Variants in STRBP observed in about 807,000 individuals in gnomAD.
The protein encoded by STRBP is spermatid perinuclear RNA-binding protein.
A neutral mutation model predicts 80.1 loss-of-function variants in STRBP; 13 were observed. The ratio of observed to expected loss-of-function variants is 0.16; its 90% CI spans 0.11 to 0.26. The LOEUF (loss-of-function observed/expected upper bound fraction) is 0.26. Ranked by LOEUF, STRBP falls within the 10% of genes least tolerant of loss-of-function variation. STRBP has a pLI of 1.00. For synonymous variants in STRBP, 284 were observed against 291.2 expected, an observed-to-expected ratio of 0.98 and a Z score of 0.25; for missense variants, 485 against 815.2, an observed-to-expected ratio of 0.59 and a Z score of 4.93.
intron 11 of STRBP, among the ~76,000 whole-genome samples, chr9:123,148,426 A>G (rs1333162555): frequency 6.6e-6 from 1 of 152,216 alleles, no homozygotes; most frequent in Admixed American, 6.5e-5. Flanking sequence ...TACCCAGTCT[A>G]AGGTATTTTG....
At chr9:123,231,182 G>C (rs1045211399) in intron 2 of STRBP, among the ~76,000 whole-genome samples, 1 of 152,154 alleles carries the variant, frequency 6.6e-6, no homozygotes, top group South Asian at 2.1e-4. Flanking sequence ...AGATTTTAAT[G>C]TACAACGAGG....
At chr9:123,119,806 C>A (rs2035701801), downstream of STRBP, among the ~76,000 whole-genome samples, 1 of 152,130 alleles carries the variant, frequency 6.6e-6, no homozygotes, top group Non-Finnish European at 1.5e-5. Context: ...ATTCCTGAGC[C>A]CCATGGGAAT....
rs140564751 is a variant in STRBP at position 123,178,371 on chromosome 9, G to C, written c.224+636C>G. On this transcript the variant is annotated intron_variant, in intron 4 of 18. Coordinates refer to ENST00000348403, the MANE Select transcript of STRBP (RefSeq NM_018387.5). ...AAACAGTAACTTTAAGCTTAGCCTG[G>C]CATAAAAAGATTAATGACCTAACTC... Among the ~76,000 whole-genome samples, 65 of 152,180 alleles carry C rather than the reference G, an allele frequency of 4.3e-4. No homozygotes were observed. The East Asian group carries it at 9.6e-3, about 23-fold the overall frequency.
intron 11 of STRBP, among the ~76,000 whole-genome samples, chr9:123,157,066 A>G (rs1245878004): frequency 1.3e-5 from 2 of 152,168 alleles, no homozygotes; most frequent in African/African-American, 4.8e-5. Context: ...CTAGTGAGAG[A>G]GATGAGCTAA....
At chr9:123,247,471 GT>G (rs2040822755) in intron 1 of STRBP, among the ~76,000 whole-genome samples, 1 of 152,090 alleles carries the variant, frequency 6.6e-6, no homozygotes, top group Admixed American at 6.5e-5. Context: ...GTTTTATCAT[GT>G]TGGCCAGGCT....
intron 1 of STRBP, among the ~76,000 whole-genome samples, chr9:123,266,939 A>G (rs2041280018): frequency 6.7e-6 from 1 of 150,128 alleles, no homozygotes; most frequent in Non-Finnish European, 1.5e-5. Flanking sequence ...CACCTACTGT[A>G]CTCCAGACCT....
At chr9:123,153,064 A>G (rs1033718012) in intron 11 of STRBP, among the ~76,000 whole-genome samples, 1 of 152,150 alleles carries the variant, frequency 6.6e-6, no homozygotes, top group Non-Finnish European at 1.5e-5. Flanking sequence ...TTCTTTGTGG[A>G]GAACAGATAG....
intron 2 of STRBP, among the ~76,000 whole-genome samples, chr9:123,233,986 G>A (rs1451352948): frequency 6.6e-6 from 1 of 152,012 alleles, no homozygotes; most frequent in African/African-American, 2.4e-5. Flanking sequence ...AGATCACGAG[G>A]TCAGGAGATT....
At chr9:123,210,260 T>G (rs2039661546) in intron 2 of STRBP, among the ~76,000 whole-genome samples, 1 of 151,622 alleles carries the variant, frequency 6.6e-6, no homozygotes. Context: ...AGTATAACCA[T>G]AAAATAAATC....
chr9:123,222,365 C>T (rs2040094599), intron 2 of STRBP, among the ~76,000 whole-genome samples: 1 of 152,056 alleles, frequency 6.6e-6, no homozygotes, highest in African/African-American at 2.4e-5. Context: ...GGTCCCACAC[C>T]TGGAATCAGC....
chr9:123,123,705 A>T lies in STRBP; in HGVS notation c.*1892T>A. 1 of 985,432 alleles carries T rather than the reference A, an allele frequency of 1.0e-6. No individual in the cohort carries two copies. Among genetic ancestry groups the T allele is most frequent in the Non-Finnish European group, 1.2e-6 (1 of 829,930 alleles). 61.0% of individuals were successfully genotyped at this position (985,432 alleles called of 1,614,324 possible). The stretch of plus-strand genomic sequence containing the variant: ...TCTAGAGATTCCAACGTGGAATCCA[A>T]ATTTGATGACCAATTTCAAATAACA... On this transcript the variant is annotated 3_prime_UTR_variant, in exon 19 of 19. Transcript: ENST00000348403.
At chr9:123,208,106 AAGACTGT>A (rs1267720278) in intron 2 of STRBP, among the ~76,000 whole-genome samples, 1 of 151,912 alleles carries the variant, frequency 6.6e-6, no homozygotes, top group Non-Finnish European at 1.5e-5. Context: ...TCCATCAAAG[AAGACTGT>A]AAGTTTTTTT....
chr9:123,139,145 T>C (rs2036484276), intron 14 of STRBP, among the ~76,000 whole-genome samples: 3 of 152,212 alleles, frequency 2.0e-5, no homozygotes, highest in Non-Finnish European at 2.9e-5. Flanking sequence ...ATAATCCCAA[T>C]TTCCTCCTCT....
At chr9:123,198,124 A>G (rs554436549) in intron 2 of STRBP, among the ~76,000 whole-genome samples, 6 of 151,868 alleles carry the variant, frequency 4.0e-5, no homozygotes, top group Non-Finnish European at 8.8e-5. Context: ...ATGTCTATTC[A>G]TGTCTTTTGC....
At chr9:123,174,535 A>C (rs2038137415) in intron 4 of STRBP, among the ~76,000 whole-genome samples, 1 of 152,246 alleles carries the variant, frequency 6.6e-6, no homozygotes, top group Non-Finnish European at 1.5e-5. Context: ...ATCAGCACAG[A>C]AATCTAAAAG....
chr9:123,208,754 T>G (rs2039609479), intron 2 of STRBP, among the ~76,000 whole-genome samples: 1 of 152,204 alleles, frequency 6.6e-6, no homozygotes, highest in African/African-American at 2.4e-5. Context: ...ACTTCTAGTA[T>G]TTGTTCCACT....
chr9:123,199,051 T>A (rs1027506634), intron 2 of STRBP, among the ~76,000 whole-genome samples: 3 of 152,156 alleles, frequency 2.0e-5, no homozygotes, highest in African/African-American at 7.2e-5. Flanking sequence ...TTCAAGCGAT[T>A]CTCTTGCCTC....
In STRBP at chr9:123,136,582, T is replaced by C; in HGVS notation, c.1498-67A>G. On this transcript the variant is annotated intron_variant, in intron 14 of 18. Coordinates refer to ENST00000348403, the MANE Select transcript of STRBP (RefSeq NM_018387.5). This position sits in a 1 kb window ranked among gnomAD's most constrained non-coding sequence, Gnocchi z 4.2. ...TTTAGAATATTACATTTCTTATTAA[T>C]ACAATTATGCTAAGAAGGAGGCTCA... is the stretch of plus-strand genomic sequence containing the variant. 1 of 1,559,058 alleles carries C rather than the reference T, an allele frequency of 6.4e-7. No homozygotes were observed. The highest frequency in any genetic ancestry group is 8.7e-7 in the Non-Finnish European group (1 of 1,153,770).
At chr9:123,137,243 GC>G (rs1564224553) in intron 14 of STRBP, among the ~76,000 whole-genome samples, 3 of 152,162 alleles carry the variant, frequency 2.0e-5, no homozygotes, top group African/African-American at 7.2e-5. Context: ...AGCATCAAAA[GC>G]AAACTAACAA....
Sources: allele counts gnomAD v4.1 joint callset (sites outside exome capture counted in the v4.1 genomes callset), GRCh38; gene constraint gnomAD v4.1.1; non-coding constraint Gnocchi (gnomAD v3.1); transcripts MANE v1.5; gene names NCBI Gene and HGNC (gene_info 2026-07-23, HGNC 2026-07-21).